FRMD4A: variants seen among roughly 807,000 people sequenced by gnomAD.
FRMD4A encodes the protein FERM domain-containing protein 4A.
In FRMD4A, 29 loss-of-function variants were observed where a neutral mutation model predicts 129.1. That is an observed-to-expected ratio of 0.22 (90% confidence interval 0.17 to 0.31). FRMD4A has a LOEUF of 0.31. Ranked by LOEUF, FRMD4A falls within the 10% of genes least tolerant of loss-of-function variation. The pLI, the probability that FRMD4A is intolerant of heterozygous loss-of-function variation, is 1.00. For synonymous variants in FRMD4A, 634 were observed against 571.6 expected (o/e 1.11, Z -1.56); for missense variants, 1,272 against 1,375.8 (o/e 0.92, Z 1.19).
At chr10:13,878,579 G>A (rs1477244198) in intron 2 of FRMD4A, among the ~76,000 whole-genome samples, 2 of 151,938 alleles carry the variant, frequency 1.3e-5, no homozygotes, top group Non-Finnish European at 2.9e-5. Flanking sequence ...ATGGCAAAAC[G>A]TTGTCTCTAC....
intron 2 of FRMD4A, among the ~76,000 whole-genome samples, chr10:13,950,636 C>G (rs1229146260): frequency 6.6e-6 from 1 of 152,192 alleles, no homozygotes; most frequent in Non-Finnish European, 1.5e-5. Context: ...TCCACCCTCC[C>G]CTTTACTCAC....
chr10:13,769,850 C>G (rs1350061611), intron 6 of FRMD4A, among the ~76,000 whole-genome samples: 2 of 152,148 alleles, frequency 1.3e-5, no homozygotes, highest in African/African-American at 4.8e-5. Flanking sequence ...TTCATCTTCT[C>G]TTGTCCTTGG....
At chr10:14,168,646 C>T (rs1193949713) in intron 2 of FRMD4A, among the ~76,000 whole-genome samples, 1 of 152,186 alleles carries the variant, frequency 6.6e-6, no homozygotes, top group Non-Finnish European at 1.5e-5. Context: ...TGCACTTCTT[C>T]ACATATTCAT....
At chr10:14,121,255 C>G (rs1485882162) in intron 2 of FRMD4A, among the ~76,000 whole-genome samples, 2 of 152,184 alleles carry the variant, frequency 1.3e-5, no homozygotes, top group African/African-American at 4.8e-5. Flanking sequence ...GTAGTCCCAG[C>G]TACTTGGAAG....
intron 2 of FRMD4A, among the ~76,000 whole-genome samples, chr10:14,049,941 G>A (rs753302371): frequency 6.6e-6 from 1 of 152,158 alleles, no homozygotes; most frequent in Non-Finnish European, 1.5e-5. Context: ...CTGCACACTT[G>A]CCGCACTTCC....
chr10:14,084,862 G>A lies in FRMD4A; in HGVS notation c.46-225950C>T, dbSNP rs539769082. On this transcript the variant is annotated intron_variant, in intron 2 of 24. Transcript: ENST00000357447. Reference sequence around the variant, plus strand: ...AAAACCACCATAAAGCTGTCTGTCCGTGCTTTTTCCTCACTCCTTCTGCCT... The same window carrying A: ...AAAACCACCATAAAGCTGTCTGTCCATGCTTTTTCCTCACTCCTTCTGCCT... 9.8e-5 allele frequency among the ~76,000 whole-genome samples: 15 copies of A among 152,322 alleles called. No individual in the cohort carries two copies. The East Asian group carries it at 1.2e-3, about 12-fold the overall frequency.
chr10:13,667,882 G>C (rs1279843595), intron 17 of FRMD4A: 1 of 152,172 alleles, frequency 6.6e-6, no homozygotes, highest in Non-Finnish European at 1.5e-5. Flanking sequence ...CAAGGCCAGG[G>C]AGAGAGAGCA....
chr10:14,306,629 G>A (rs1846362664), intron 2 of FRMD4A, among the ~76,000 whole-genome samples: 1 of 152,184 alleles, frequency 6.6e-6, no homozygotes, highest in Non-Finnish European at 1.5e-5. Flanking sequence ...AGTCTGTTCT[G>A]ATATTTTATG....
chr10:14,139,683 C>G (rs1365371113), intron 2 of FRMD4A, among the ~76,000 whole-genome samples: 2 of 152,120 alleles, frequency 1.3e-5, no homozygotes, highest in East Asian at 3.9e-4. Flanking sequence ...TGCCTGGGCT[C>G]AAGCAATCCT....
chr10:13,872,955 C>A (rs2094453467), intron 2 of FRMD4A, among the ~76,000 whole-genome samples: 1 of 152,082 alleles, frequency 6.6e-6, no homozygotes, highest in Non-Finnish European at 1.5e-5. Context: ...GGGGGCAGAT[C>A]AGCTGAGGCC....
chr10:14,298,879 C>T lies in FRMD4A; in HGVS notation c.45+31179G>A, dbSNP rs564401754. On this transcript the variant is annotated intron_variant, in intron 2 of 24. Coordinates refer to ENST00000357447, the MANE Select transcript of FRMD4A (RefSeq NM_018027.5). ...AAGGGAATAATCTTGGGAGGGGCTC[C>T]CTTTCCGGATTGAAGCAGGAGGTAG... 2.6e-5 allele frequency among the ~76,000 whole-genome samples: 4 copies of T among 152,182 alleles called. No individual in the cohort carries two copies. The East Asian group carries it at 7.8e-4, about 29-fold the overall frequency.
intron 12 of FRMD4A, among the ~76,000 whole-genome samples, chr10:13,709,196 T>G (rs1199622973): frequency 6.6e-6 from 1 of 152,180 alleles, no homozygotes; most frequent in Non-Finnish European, 1.5e-5. Flanking sequence ...ACTCCTGGGC[T>G]CAAGTGATCT....
chr10:13,892,016 T>G (rs2094704827), intron 2 of FRMD4A, among the ~76,000 whole-genome samples: 2 of 144,846 alleles, frequency 1.4e-5, no homozygotes, highest in African/African-American at 2.6e-5. Context: ...TGGACAACAA[T>G]GCGCGCCCCC....
At chr10:13,953,480 T>C (rs900595139) in intron 2 of FRMD4A, among the ~76,000 whole-genome samples, 1 of 152,150 alleles carries the variant, frequency 6.6e-6, no homozygotes, top group African/African-American at 2.4e-5. Context: ...TTGCATGTCA[T>C]TCTGAATAGT....
At chr10:13,740,667 A>C in intron 9 of FRMD4A, 90 bp from the exon 10 acceptor site, 9 of 721,228 alleles carry the variant, frequency 1.2e-5, no homozygotes, top group Admixed American at 2.5e-5. Context: ...GCCCCATCTC[A>C]TAAGAAGCTC....
intron 2 of FRMD4A, among the ~76,000 whole-genome samples, chr10:14,316,928 T>C (rs993200463): frequency 8.5e-5 from 13 of 152,196 alleles, no homozygotes; most frequent in Admixed American, 7.9e-4. Flanking sequence ...AGAGTCAATA[T>C]GCACCATCCA....
intron 2 of FRMD4A, among the ~76,000 whole-genome samples, chr10:14,241,240 C>T (rs991650923): frequency 4.6e-5 from 7 of 152,170 alleles, no homozygotes; most frequent in African/African-American, 1.7e-4. Flanking sequence ...TTAATTCCTT[C>T]ACTATATTTA....
At chr10:13,653,166 T>C (rs2081818605) in intron 23 of FRMD4A, 1 of 151,952 alleles carries the variant, frequency 6.6e-6, no homozygotes. Flanking sequence ...TTAGGACCCT[T>C]TCTTGCCAAA....
intron 2 of FRMD4A, among the ~76,000 whole-genome samples, chr10:14,264,547 T>C (rs1009822162): frequency 3.6e-5 from 5 of 140,812 alleles, no homozygotes; most frequent in Non-Finnish European, 7.6e-5. Context: ...CACTATACCA[T>C]GTACTGTATA....
Sources: gnomAD v4.1 joint callset for allele counts (sites outside exome capture counted in the v4.1 genomes callset) on GRCh38, gnomAD v4.1.1 for gene constraint, MANE v1.5 for transcripts, NCBI Gene and HGNC (gene_info 2026-07-23, HGNC 2026-07-21) for gene names.